NCOA2: variants seen among roughly 807,000 people sequenced by gnomAD.
NCOA2 encodes the protein class E basic helix-loop-helix protein 75.
A neutral mutation model predicts 145.1 loss-of-function variants in NCOA2; 21 were observed. That is an observed-to-expected ratio of 0.14 (90% CI 0.10 to 0.21). The LOEUF is 0.21. Among genes scored for constraint, NCOA2 ranks in the 10% least tolerant of loss-of-function variants. The probability of loss-of-function intolerance (pLI) is 1.00; values close to 1 mark genes in which losing one functional copy is unlikely to be tolerated. For missense variants in NCOA2, 1,472 were observed against 1,837.6 expected, an observed-to-expected ratio of 0.80 and a Z score of 3.64; for synonymous variants, 619 against 637.5, an observed-to-expected ratio of 0.97 and a Z score of 0.44.
chr8:70,207,379 T>C (rs1818549364), intron 4 of NCOA2, among the ~76,000 whole-genome samples: 1 of 152,158 alleles, frequency 6.6e-6, no homozygotes, highest in African/African-American at 2.4e-5. Flanking sequence ...ATCTGAAAGC[T>C]GTTAAACAAA....
intron 9 of NCOA2, among the ~76,000 whole-genome samples, chr8:70,161,803 A>G (rs1160418718): frequency 6.6e-6 from 1 of 152,190 alleles, no homozygotes; most frequent in African/African-American, 2.4e-5. Flanking sequence ...GTGCATGTGG[A>G]GCCCTGGCCA....
chr8:70,163,691 T>C, intron 7 of NCOA2, 125 bp from the exon 8 acceptor site: 1 of 669,912 alleles, frequency 1.5e-6, no homozygotes, highest in South Asian at 1.9e-5. Flanking sequence ...GATGAAACAC[T>C]ATGTACCTGA....
intron 2 of NCOA2, among the ~76,000 whole-genome samples, chr8:70,277,407 A>G (rs1475085014): frequency 6.6e-6 from 1 of 152,210 alleles, no homozygotes; most frequent in East Asian, 1.9e-4. Flanking sequence ...AGATGAGAAA[A>G]TATTTACTGG....
intron 2 of NCOA2, among the ~76,000 whole-genome samples, chr8:70,271,087 A>C (rs1310189468): frequency 6.6e-6 from 1 of 152,174 alleles, no homozygotes; most frequent in Non-Finnish European, 1.5e-5. Flanking sequence ...TATGTTGAAA[A>C]TACATCTTGG....
At chr8:70,293,212 T>C (rs1309220445) in intron 2 of NCOA2, among the ~76,000 whole-genome samples, 1 of 152,216 alleles carries the variant, frequency 6.6e-6, no homozygotes, top group Non-Finnish European at 1.5e-5. Context: ...TTTCAGTAGA[T>C]AGTGCCCAAA....
At chr8:70,240,277 C>T (rs1822013610) in intron 2 of NCOA2, among the ~76,000 whole-genome samples, 1 of 152,146 alleles carries the variant, frequency 6.6e-6, no homozygotes, top group Non-Finnish European at 1.5e-5. Flanking sequence ...ATTTACTTCA[C>T]AAGTTTGAAT....
At chr8:70,157,963 T>G (rs930210441) in intron 10 of NCOA2, among the ~76,000 whole-genome samples, 1 of 152,312 alleles carries the variant, frequency 6.6e-6, no homozygotes, top group Admixed American at 6.5e-5. Context: ...TACTAATGAC[T>G]AAAAGCAGGC....
intron 4 of NCOA2, among the ~76,000 whole-genome samples, chr8:70,185,224 T>C (rs772267764): frequency 6.6e-6 from 1 of 152,208 alleles, no homozygotes; most frequent in Admixed American, 6.5e-5. Context: ...CCCAGTTCTC[T>C]CATTCTAGCA....
At position 70,227,450 on chromosome 8, in the gene NCOA2, C is replaced by T. The variant is rs577846776; in HGVS notation, c.-19-10686G>A. Among the ~76,000 whole-genome samples, 7 of 152,256 alleles carry T rather than the reference C, an allele frequency of 4.6e-5. No homozygotes were observed. The South Asian group carries it at 1.2e-3, about 27-fold the overall frequency. On this transcript the variant is annotated intron_variant, in intron 2 of 22. Coordinates refer to ENST00000452400, the MANE Select transcript of NCOA2 (RefSeq NM_006540.4). ...GGGTGAGTGTGTAAGAAGTATTCTT[C>T]TGAAATACCTTTTTATGCTCTTTTC... is the stretch of plus-strand genomic sequence containing the variant.
rs187555442 is a variant in NCOA2 at position 70,292,757 on chromosome 8, T to C, written c.-20+3987A>G. Reference sequence around the variant, plus strand: ...TCAGGAAGAGAGAAAGGAGAGTTAATGGTGCTGAATGATTTAGTTTAATGA... The same window carrying C: ...TCAGGAAGAGAGAAAGGAGAGTTAACGGTGCTGAATGATTTAGTTTAATGA... On this transcript the variant is annotated intron_variant, in intron 2 of 22. Transcript: ENST00000452400. 3.9e-5 allele frequency among the ~76,000 whole-genome samples: 6 copies of C among 152,340 alleles called. No homozygotes were observed. The East Asian group carries it at 1.2e-3, about 29-fold the overall frequency.
chr8:70,122,959 G>T (rs571165028), intron 21 of NCOA2, among the ~76,000 whole-genome samples: 1 of 152,252 alleles, frequency 6.6e-6, no homozygotes, highest in South Asian at 2.1e-4. Flanking sequence ...TTTTTTACTT[G>T]TGTGAACTAC....
intron 2 of NCOA2, among the ~76,000 whole-genome samples, chr8:70,231,151 A>T (rs985636258): frequency 6.6e-6 from 1 of 152,216 alleles, no homozygotes; most frequent in African/African-American, 2.4e-5. Context: ...TTTTCCAAGA[A>T]GACTGTATTA....
the NCOA2 span, among the ~76,000 whole-genome samples, chr8:70,421,288 C>T: frequency 2.0e-5 from 3 of 152,090 alleles, no homozygotes; most frequent in African/African-American, 4.8e-5. Flanking sequence ...CGGTGGCTCA[C>T]GCCTGTAATC....
In NCOA2 at chr8:70,145,348, C is replaced by G. The variant is rs546718041; in HGVS notation, c.2606-500G>C. ...AATTTTTTCTTTTTTTTTTTTGAGA[C>G]GGAGTCTCGCTCTGTTGCGAGGCTG... On this transcript the variant is annotated intron_variant, in intron 12 of 22. Coordinates refer to ENST00000452400, the MANE Select transcript of NCOA2 (RefSeq NM_006540.4). Among the ~76,000 whole-genome samples the G allele has an allele frequency of 8.1e-3, 94 of 11,630 alleles. 1 individual carries two copies. In the East Asian group the frequency reaches 0.23, roughly 29 times the overall value. 7.6% of individuals were successfully genotyped at this position (11,630 alleles called of 152,430 possible).
chr8:70,162,114 G>C (rs1257644347), intron 9 of NCOA2, among the ~76,000 whole-genome samples: 1 of 151,336 alleles, frequency 6.6e-6, no homozygotes, highest in Non-Finnish European at 1.5e-5. Context: ...GGCTTGCTGT[G>C]AGGGCCAGTG....
At chr8:70,216,567 G>C in intron 3 of NCOA2, 93 bp downstream of exon 3, 2 of 1,021,266 alleles carry the variant, frequency 2.0e-6, no homozygotes, top group South Asian at 2.6e-5. Context: ...CTCAATATTT[G>C]AATCAGCAGT....
intron 2 of NCOA2, among the ~76,000 whole-genome samples, chr8:70,243,805 AAAAG>A (rs1410573897): frequency 7.9e-5 from 12 of 151,716 alleles, no homozygotes; most frequent in South Asian, 2.1e-4. Flanking sequence ...AAAAAAAAAA[AAAAG>A]AATGTGGGAG....
chr8:70,124,214 C>G (rs375243075), intron 20 of NCOA2, 132 bp from the exon 21 acceptor site: 12 of 825,000 alleles, frequency 1.5e-5, no homozygotes, highest in Non-Finnish European at 2.2e-5. Context: ...CAGGCTGAGA[C>G]AGCCGGCAGG....
At chr8:70,276,521 T>C (rs1239315684) in intron 2 of NCOA2, among the ~76,000 whole-genome samples, 1 of 152,152 alleles carries the variant, frequency 6.6e-6, no homozygotes, top group African/African-American at 2.4e-5. Context: ...TGGGAGGTAA[T>C]TGAATTGGGA....
Sources: allele counts gnomAD v4.1 joint callset (sites outside exome capture counted in the v4.1 genomes callset), GRCh38; gene constraint gnomAD v4.1.1; transcripts MANE v1.5; gene names NCBI Gene and HGNC (gene_info 2026-07-23, HGNC 2026-07-21).